Variants in PTPRE observed in about 807,000 individuals in gnomAD.
PTPRE encodes the protein receptor-type tyrosine-protein phosphatase epsilon.
In PTPRE, 51 loss-of-function variants were observed where a neutral mutation model predicts 102.0. The ratio of observed to expected loss-of-function variants is 0.50; its 90% CI spans 0.40 to 0.63. The LOEUF is 0.63. Among genes scored for constraint, PTPRE ranks in the 30% least tolerant of loss-of-function variants. The probability of loss-of-function intolerance (pLI) is 0.00; values close to 1 mark genes in which losing one functional copy is unlikely to be tolerated. For missense variants in PTPRE, 752 were observed against 915.1 expected, an observed-to-expected ratio of 0.82 and a Z score of 2.30; for synonymous variants, 345 against 348.2, an observed-to-expected ratio of 0.99 and a Z score of 0.10.
Position 128,078,664 on chromosome 10 carries a change from C to G in PTPRE, c.1892+881C>G, listed in dbSNP as rs533932171. On this transcript the variant is annotated intron_variant, in intron 19 of 20. Coordinates refer to ENST00000254667, the MANE Select transcript of PTPRE (RefSeq NM_006504.6). ...TGCCTGGACCCCACCGGGGTGCACT[C>G]CTGGCCTGGCCAGTAGGTGGAGCAC... Among the ~76,000 whole-genome samples the G allele has an allele frequency of 1.0e-3, 157 of 152,326 alleles. 4 individuals carry two copies. In the South Asian group the frequency reaches 0.031, roughly 30 times the overall value.
chr10:127,994,747 T>C (rs536819331), intron 2 of PTPRE, among the ~76,000 whole-genome samples: 7 of 152,348 alleles, frequency 4.6e-5, no homozygotes, highest in Non-Finnish European at 8.8e-5. Flanking sequence ...TGCAGCCCGA[T>C]GTCGCAGGGG....
intron 2 of PTPRE, among the ~76,000 whole-genome samples, chr10:127,994,255 C>CG (rs1407273448): frequency 6.6e-6 from 1 of 152,166 alleles, no homozygotes; most frequent in African/African-American, 2.4e-5. Flanking sequence ...CTTTCTTTTC[C>CG]GGGGGAGCAC....
chr10:127,936,464 C>G (rs535271479), intron 1 of PTPRE, among the ~76,000 whole-genome samples: 1 of 152,304 alleles, frequency 6.6e-6, no homozygotes, highest in East Asian at 1.9e-4. Context: ...CTGGGCTTGC[C>G]TGGACCGCTG....
chr10:128,005,822 G>A lies in PTPRE; in HGVS notation c.-8+23526G>A, dbSNP rs566668016. Among the ~76,000 whole-genome samples, 102 of 152,242 alleles carry A rather than the reference G, an allele frequency of 6.7e-4. 1 individual carries two copies. Among genetic ancestry groups the A allele is most frequent in the African/African-American group, 2.4e-3 (98 of 41,554 alleles). On this transcript the variant is annotated intron_variant, in intron 2 of 20. Transcript: ENST00000254667. ...GAGGCTGCAAGTCTGAAGCCAAGGC[G>A]TCGGCAGGGCTGTGCTCCCTTTCAA...
At chr10:128,054,582 G>T (rs1848803279) in intron 6 of PTPRE, among the ~76,000 whole-genome samples, 1 of 151,788 alleles carries the variant, frequency 6.6e-6, no homozygotes, top group African/African-American at 2.4e-5. Flanking sequence ...CCACCCTCTT[G>T]CCTCTGCTTT....
intron 6 of PTPRE, among the ~76,000 whole-genome samples, chr10:128,054,803 T>C (rs1848819436): frequency 6.6e-6 from 1 of 152,082 alleles, no homozygotes; most frequent in Non-Finnish European, 1.5e-5. Context: ...CTCTGCATTG[T>C]GAGCAAGCCC....
intron 15 of PTPRE, chr10:128,071,148 C>A (rs1236046649): frequency 2.0e-6 from 1 of 510,844 alleles, no homozygotes; most frequent in East Asian, 3.2e-5. Flanking sequence ...TATGAGCTTG[C>A]AGATGCGGGA....
chr10:127,977,928 G>T (rs1403378187), intron 1 of PTPRE, among the ~76,000 whole-genome samples: 4 of 152,180 alleles, frequency 2.6e-5, no homozygotes, highest in Non-Finnish European at 4.4e-5. Context: ...GAGCTCCAGG[G>T]ACTCACCAGC....
intron 1 of PTPRE, among the ~76,000 whole-genome samples, chr10:127,976,348 GA>G (rs969572974): frequency 7.6e-4 from 116 of 152,294 alleles, no homozygotes; most frequent in African/African-American, 2.7e-3. Context: ...GAAACCAGCA[GA>G]CACTCGTACT....
At position 128,002,284 on chromosome 10, in the gene PTPRE, G is replaced by T. The variant is rs143605726; in HGVS notation, c.-8+19988G>T. On this transcript the variant is annotated intron_variant, in intron 2 of 20. Coordinates refer to ENST00000254667, the MANE Select transcript of PTPRE (RefSeq NM_006504.6). Reference sequence around the variant, plus strand: ...GACCTCAGGGTGCTGCGGGCATCGAGGGGGAACAAGGCCATCAGGAGGAAG... The same window carrying T: ...GACCTCAGGGTGCTGCGGGCATCGATGGGGAACAAGGCCATCAGGAGGAAG... 2.1e-3 allele frequency among the ~76,000 whole-genome samples: 313 copies of T among 152,302 alleles called. 1 individual carries two copies. Among genetic ancestry groups the T allele is most frequent in the African/African-American group, 7.3e-3 (304 of 41,568 alleles).
intron 1 of PTPRE, among the ~76,000 whole-genome samples, chr10:127,918,608 T>C (rs1846380184): frequency 6.6e-6 from 1 of 151,640 alleles, no homozygotes; most frequent in African/African-American, 2.4e-5. Context: ...ATGAAAATTA[T>C]TGAAGGAGCT....
intron 6 of PTPRE, among the ~76,000 whole-genome samples, chr10:128,051,504 CCCTG>C (rs1848564044): frequency 1.3e-5 from 2 of 152,344 alleles, no homozygotes; most frequent in African/African-American, 2.4e-5. Context: ...TTGCCCTGGG[CCCTG>C]ATACATACGG....
At chr10:128,022,323 G>C (rs1344142304) in intron 2 of PTPRE, among the ~76,000 whole-genome samples, 1 of 152,230 alleles carries the variant, frequency 6.6e-6, no homozygotes, top group Non-Finnish European at 1.5e-5. Flanking sequence ...GCAGGGCCAG[G>C]GCTGCCCCCA....
At chr10:127,946,672 G>A (rs1366491853) in intron 1 of PTPRE, among the ~76,000 whole-genome samples, 1 of 152,206 alleles carries the variant, frequency 6.6e-6, no homozygotes, top group Non-Finnish European at 1.5e-5. Flanking sequence ...ACACACTGCA[G>A]GTCACAAAGA....
intron 2 of PTPRE, among the ~76,000 whole-genome samples, chr10:128,018,174 G>A (rs1331808605): frequency 5.3e-5 from 8 of 152,006 alleles, no homozygotes; most frequent in Admixed American, 5.2e-4. Flanking sequence ...GGCGTGGGAG[G>A]TAGGAGCTTT....
intron 12 of PTPRE, chr10:128,069,361 G>A (rs984971142): frequency 5.7e-5 from 13 of 227,856 alleles, no homozygotes; most frequent in African/African-American, 2.8e-4. Context: ...TGCTCCCAGG[G>A]GGACAGATCT....
chr10:127,958,268 T>C (rs539957877), intron 1 of PTPRE, among the ~76,000 whole-genome samples: 70 of 152,334 alleles, frequency 4.6e-4, no homozygotes, highest in African/African-American at 1.7e-3. Context: ...CCTTGCCTCG[T>C]TCCTGATCTT....
chr10:128,079,338 G>A (rs1184601286), intron 19 of PTPRE, among the ~76,000 whole-genome samples: 7 of 152,042 alleles, frequency 4.6e-5, no homozygotes, highest in Non-Finnish European at 1.0e-4. Flanking sequence ...ATAAAATATC[G>A]GTCTCCTGTA....
At chr10:128,066,233 T>G in intron 11 of PTPRE, 39 bp downstream of exon 11, 1 of 1,606,626 alleles carries the variant, frequency 6.2e-7, no homozygotes, top group Non-Finnish European at 8.5e-7. Flanking sequence ...GAAAGATCAT[T>G]TTCAGAGAGC....
Sources: gnomAD v4.1 joint callset for allele counts (sites outside exome capture counted in the v4.1 genomes callset) on GRCh38, gnomAD v4.1.1 for gene constraint, MANE v1.5 for transcripts, NCBI Gene and HGNC (gene_info 2026-07-23, HGNC 2026-07-21) for gene names.